The following TSPAN18 variants were observed in gnomAD, a reference collection of about 807,000 sequenced individuals.
TSPAN18 encodes the protein tetraspanin 18.
In TSPAN18, 14 loss-of-function variants were observed where a neutral mutation model predicts 27.3. That is an observed-to-expected ratio of 0.51 (90% CI 0.34 to 0.80). The LOEUF (loss-of-function observed/expected upper bound fraction) is 0.80. Among genes scored for constraint, TSPAN18 ranks in the 30% least tolerant of loss-of-function variants. The pLI is 0.01. For synonymous variants in TSPAN18, 143 were observed against 136.5 expected (o/e 1.05, Z -0.33); for missense variants, 268 against 323.9 (o/e 0.83, Z 1.32).
chr11:44,744,288 A>G (rs770890555), intron 1 of TSPAN18, among the ~76,000 whole-genome samples: 7 of 152,248 alleles, frequency 4.6e-5, no homozygotes, highest in Non-Finnish European at 1.0e-4. Context: ...CCAGAGATCA[A>G]CAGGGGAACA....
intron 3 of TSPAN18, among the ~76,000 whole-genome samples, chr11:44,891,633 G>A (rs1386618047): frequency 1.3e-5 from 2 of 152,290 alleles, no homozygotes; most frequent in Middle Eastern, 3.4e-3. Context: ...GCTGGGCAGC[G>A]GACACGGTGA....
At position 44,817,730 on chromosome 11, in the gene TSPAN18, A is replaced by G. The variant is rs945721363; in HGVS notation, c.-152-42598A>G. Among the ~76,000 whole-genome samples, 8 of 152,314 alleles carry G rather than the reference A, an allele frequency of 5.3e-5. No homozygotes were observed. In the South Asian group the frequency reaches 6.2e-4, roughly 12 times the overall value. ...AAGAATGTGGGTGACTCATTGTTTT[A>G]TGGAGAGGGAAGACTTGGGAACCCT... On this transcript the variant is annotated intron_variant, in intron 2 of 9. Coordinates refer to ENST00000520358, the MANE Select transcript of TSPAN18 (RefSeq NM_130783.5).
intron 5 of TSPAN18, 118 bp downstream of exon 5, chr11:44,910,017 G>T: frequency 8.0e-7 from 1 of 1,257,586 alleles, no homozygotes; most frequent in East Asian, 2.5e-5. Context: ...AACTGGGGCG[G>T]GCTGTCAAAG....
At chr11:44,745,685 T>C (rs957048151) in intron 1 of TSPAN18, among the ~76,000 whole-genome samples, 1 of 152,122 alleles carries the variant, frequency 6.6e-6, no homozygotes, top group African/African-American at 2.4e-5. Context: ...TTCAGATCTG[T>C]GTACTGTTCC....
intron 2 of TSPAN18, among the ~76,000 whole-genome samples, chr11:44,823,391 C>T (rs1314813790): frequency 6.6e-6 from 1 of 152,194 alleles, no homozygotes; most frequent in Non-Finnish European, 1.5e-5. Flanking sequence ...GGGGCTTTCT[C>T]TCCCCCGAAG....
intron 4 of TSPAN18, among the ~76,000 whole-genome samples, chr11:44,909,114 A>C (rs1420217932): frequency 6.6e-6 from 1 of 152,172 alleles, no homozygotes; most frequent in Non-Finnish European, 1.5e-5. Flanking sequence ...GAGAGTGGGG[A>C]GCCCACTCTC....
chr11:44,930,877 T>C lies in TSPAN18; in HGVS notation c.*1699T>C. On this transcript the variant is annotated 3_prime_UTR_variant, in exon 10 of 10. Coordinates refer to ENST00000520358, the MANE Select transcript of TSPAN18 (RefSeq NM_130783.5). ...CCCTCTTCAGGAAGAAAGAGCTCAT[T>C]CTGTCTCACAAGCCACCGGCATCCT... 1 of 522,726 alleles carries C rather than the reference T, an allele frequency of 1.9e-6. No individual in the cohort carries two copies. Among genetic ancestry groups the C allele is most frequent in the Non-Finnish European group, 3.9e-6 (1 of 254,538 alleles). 32.4% of individuals were successfully genotyped at this position (522,726 alleles called of 1,614,324 possible). A position where few individuals can be genotyped will look rare whatever the true frequency, so the allele number is the denominator to read the frequency against.
intron 3 of TSPAN18, among the ~76,000 whole-genome samples, chr11:44,888,069 G>A (rs1042591631): frequency 1.3e-5 from 2 of 152,202 alleles, no homozygotes; most frequent in African/African-American, 4.8e-5. Context: ...GCTGTGAGAA[G>A]CGGCAGAAAC....
At chr11:44,770,963 G>A (rs904320719) in intron 2 of TSPAN18, among the ~76,000 whole-genome samples, 13 of 152,160 alleles carry the variant, frequency 8.5e-5, no homozygotes, top group Admixed American at 6.5e-5. Flanking sequence ...GGCATTTTAA[G>A]TTGAGATGCT....
In TSPAN18 at chr11:44,919,999, G is replaced by A; in HGVS notation, c.615G>A (p.Gln205=). 6.2e-7 allele frequency: 1 copy of A among 1,612,690 alleles called. No homozygotes were observed. The highest frequency in any genetic ancestry group is 8.5e-7 in the Non-Finnish European group (1 of 1,179,282). ...GAAGGAGCCTATTCCTAAACAAGCAGGTACTGGCCCTGCTCTCCAGACAGG... is the reference window on the plus strand; with the variant it reads ...GAAGGAGCCTATTCCTAAACAAGCAAGTACTGGCCCTGCTCTCCAGACAGG... The part of the protein sequence containing the change: ...LLGRSLFLNK[Q]GCYTVILNTF... Residue 205 remains glutamine, a splice_region_variant and synonymous_variant, in exon 8 of 10, where the codon CAG becomes CAA. Transcript: ENST00000520358.
chr11:44,726,670 G>A (rs1450700195), upstream of TSPAN18: 3 of 151,854 alleles, frequency 2.0e-5, no homozygotes, highest in African/African-American at 4.8e-5. Context: ...ACGATCTTCC[G>A]AATTCAGACG....
chr11:44,848,263 C>T (rs1211335144), intron 2 of TSPAN18, among the ~76,000 whole-genome samples: 1 of 152,140 alleles, frequency 6.6e-6, no homozygotes, highest in Non-Finnish European at 1.5e-5. Flanking sequence ...CTCTTCGAGG[C>T]GTTCAGTCCT....
intron 3 of TSPAN18, among the ~76,000 whole-genome samples, chr11:44,882,627 CAGAG>C (rs71449897): frequency 1.0e-4 from 13 of 130,608 alleles, no homozygotes; most frequent in African/African-American, 3.9e-4. Context: ...CACACACACA[CAGAG>C]AGAGAGCATG....
chr11:44,803,345 G>GA (rs1435259612), intron 2 of TSPAN18, among the ~76,000 whole-genome samples: 4 of 152,102 alleles, frequency 2.6e-5, no homozygotes, highest in Non-Finnish European at 5.9e-5. Context: ...GGGTTGGGGG[G>GA]GCATTTTTTC....
intron 2 of TSPAN18, among the ~76,000 whole-genome samples, chr11:44,778,752 C>T (rs1281508817): frequency 6.6e-6 from 1 of 152,182 alleles, no homozygotes; most frequent in Non-Finnish European, 1.5e-5. Context: ...GTGATCCTGG[C>T]AGCTGAGACC....
chr11:44,842,245 T>A (rs998301414), intron 2 of TSPAN18, among the ~76,000 whole-genome samples: 1 of 152,204 alleles, frequency 6.6e-6, no homozygotes, highest in African/African-American at 2.4e-5. Flanking sequence ...CCCTTGCCCA[T>A]GACTTTTGCT....
At chr11:44,861,998 AG>A (rs1458718806) in intron 3 of TSPAN18, among the ~76,000 whole-genome samples, 4 of 152,006 alleles carry the variant, frequency 2.6e-5, no homozygotes, top group African/African-American at 9.7e-5. Flanking sequence ...CTCGCCGGGA[AG>A]GCCTGTTCCT....
intron 2 of TSPAN18, among the ~76,000 whole-genome samples, chr11:44,803,513 G>A (rs1321212908): frequency 1.3e-5 from 2 of 152,150 alleles, no homozygotes; most frequent in African/African-American, 4.8e-5. Context: ...TGAAGGTTTT[G>A]GACCAGGCCA....
At chr11:44,806,674 T>C (rs550845061) in intron 2 of TSPAN18, among the ~76,000 whole-genome samples, 2 of 152,248 alleles carry the variant, frequency 1.3e-5, no homozygotes, top group Non-Finnish European at 2.9e-5. Context: ...TGTTCCACTA[T>C]AAAAATCTGT....
Sources: allele counts gnomAD v4.1 joint callset (sites outside exome capture counted in the v4.1 genomes callset), GRCh38; gene constraint gnomAD v4.1.1; transcripts MANE v1.5; gene names NCBI Gene and HGNC (gene_info 2026-07-23, HGNC 2026-07-21).